Variants in FRMD3 observed in about 807,000 individuals in gnomAD.
The protein encoded by FRMD3 is FERM domain-containing protein 3.
Under a neutral mutation model 70.2 loss-of-function variants are expected in FRMD3, and 33 were observed. The observed-to-expected ratio is 0.47, with a 90% CI of 0.36 to 0.63. The LOEUF (loss-of-function observed/expected upper bound fraction) is 0.63. FRMD3 is among the 20% of genes least tolerant of loss of function. The pLI is 0.00. For missense variants in FRMD3, 632 were observed against 711.4 expected (o/e 0.89, Z 1.27); for synonymous variants, 279 against 255.9 (o/e 1.09, Z -0.86).
chr9:83,314,476 G>T (rs1444822089), intron 6 of FRMD3, among the ~76,000 whole-genome samples: 1 of 151,784 alleles, frequency 6.6e-6, no homozygotes, highest in African/African-American at 2.4e-5. Context: ...ACCAAGCAGA[G>T]AAAACAACAG....
chr9:83,484,721 G>A (rs961610708), intron 1 of FRMD3, among the ~76,000 whole-genome samples: 4 of 152,148 alleles, frequency 2.6e-5, no homozygotes, highest in Non-Finnish European at 4.4e-5. Flanking sequence ...CCCAGCCTGT[G>A]TTGCCAATTT....
intron 1 of FRMD3, among the ~76,000 whole-genome samples, chr9:83,418,605 C>T (rs768858741): frequency 5.3e-5 from 8 of 152,006 alleles, no homozygotes; most frequent in Admixed American, 1.3e-4. Flanking sequence ...GCAAGAATGG[C>T]CATTATTAAA....
At chr9:83,389,370 C>G (rs1825600622) in intron 2 of FRMD3, among the ~76,000 whole-genome samples, 1 of 152,170 alleles carries the variant, frequency 6.6e-6, no homozygotes, top group Admixed American at 6.5e-5. Flanking sequence ...GGGACATTCT[C>G]TCTTCTAAGC....
chr9:83,530,617 G>GTATACAA (rs1312959945), intron 1 of FRMD3, among the ~76,000 whole-genome samples: 63 of 152,232 alleles, frequency 4.1e-4, no homozygotes, highest in African/African-American at 1.4e-3. Flanking sequence ...TACCTTAAGT[G>GTATACAA]GGCGTACTAC....
At chr9:83,282,113 C>G (rs926494555) in intron 13 of FRMD3, among the ~76,000 whole-genome samples, 1 of 152,062 alleles carries the variant, frequency 6.6e-6, no homozygotes, top group African/African-American at 2.4e-5. Context: ...GGATGTAATC[C>G]CAGCTTTCCA....
At chr9:83,443,368 C>T (rs1459561822) in intron 1 of FRMD3, among the ~76,000 whole-genome samples, 3 of 152,190 alleles carry the variant, frequency 2.0e-5, no homozygotes, top group African/African-American at 7.2e-5. Context: ...TCAATTCCCA[C>T]CTATGAGTGA....
intron 1 of FRMD3, among the ~76,000 whole-genome samples, chr9:83,453,845 A>G (rs961541983): frequency 2.7e-5 from 4 of 150,650 alleles, no homozygotes; most frequent in African/African-American, 9.8e-5. Flanking sequence ...CCTCCCAAGT[A>G]GCTGGGACTA....
chr9:83,502,588 T>C (rs1829095104), intron 1 of FRMD3, among the ~76,000 whole-genome samples: 1 of 152,108 alleles, frequency 6.6e-6, no homozygotes, highest in Non-Finnish European at 1.5e-5. Flanking sequence ...AAGTGAGGTG[T>C]TCCAGAAGAG....
intron 1 of FRMD3, among the ~76,000 whole-genome samples, chr9:83,407,826 G>C (rs1826149570): frequency 7.7e-6 from 1 of 129,108 alleles, no homozygotes; most frequent in African/African-American, 3.2e-5. Context: ...GCAGAGGAGG[G>C]GGGTTGTTGA....
intron 1 of FRMD3, among the ~76,000 whole-genome samples, chr9:83,399,779 A>G (rs544739331): frequency 6.6e-6 from 1 of 152,318 alleles, no homozygotes; most frequent in Non-Finnish European, 1.5e-5. Context: ...CAACTTGATA[A>G]AGAACGTCTA....
At chr9:83,423,303 G>T (rs1370541265) in intron 1 of FRMD3, among the ~76,000 whole-genome samples, 1 of 152,198 alleles carries the variant, frequency 6.6e-6, no homozygotes, top group Non-Finnish European at 1.5e-5. Context: ...AAGCAAGAGT[G>T]TCAGGAATGC....
intron 7 of FRMD3, 59 bp downstream of exon 7, chr9:83,313,601 T>A: frequency 7.3e-7 from 1 of 1,369,664 alleles, no homozygotes; most frequent in Non-Finnish European, 1.0e-6. Context: ...TGCGCACAGA[T>A]AAACTCTCTT....
chr9:83,360,706 C>A (rs1174470095), intron 3 of FRMD3, among the ~76,000 whole-genome samples: 1 of 152,232 alleles, frequency 6.6e-6, no homozygotes, highest in Admixed American at 6.5e-5. Flanking sequence ...AACCCCTGCA[C>A]ACACTACTGC....
At chr9:83,264,620 A>G (rs889381075) in intron 13 of FRMD3, among the ~76,000 whole-genome samples, 1 of 152,220 alleles carries the variant, frequency 6.6e-6, no homozygotes, top group Admixed American at 6.5e-5. Context: ...GAACCTAAAA[A>G]TCATTCTAAA....
intron 6 of FRMD3, 50 bp downstream of exon 6, chr9:83,335,466 G>GA: frequency 6.6e-7 from 1 of 1,519,592 alleles, no homozygotes; most frequent in Non-Finnish European, 9.1e-7. Flanking sequence ...CCTGCAGTAA[G>GA]AATATTTTCT....
chr9:83,333,141 T>C (rs919790838), intron 6 of FRMD3, among the ~76,000 whole-genome samples: 1 of 152,160 alleles, frequency 6.6e-6, no homozygotes, highest in Admixed American at 6.5e-5. Flanking sequence ...ACCAAAAGTA[T>C]CTCTCTGCTG....
At chr9:83,500,902 T>C (rs1034944654) in intron 1 of FRMD3, among the ~76,000 whole-genome samples, 1 of 152,168 alleles carries the variant, frequency 6.6e-6, no homozygotes, top group African/African-American at 2.4e-5. Context: ...TTAGGCACAC[T>C]CTTGGGAGAG....
intron 13 of FRMD3, among the ~76,000 whole-genome samples, chr9:83,282,105 A>T (rs1833997913): frequency 1.3e-5 from 2 of 152,208 alleles, no homozygotes; most frequent in African/African-American, 2.4e-5. Context: ...GAGTATAAGG[A>T]TGTAATCCCA....
intron 1 of FRMD3, among the ~76,000 whole-genome samples, chr9:83,512,889 A>C (rs965878319): frequency 6.6e-6 from 1 of 152,204 alleles, no homozygotes; most frequent in Non-Finnish European, 1.5e-5. Flanking sequence ...TCTGCAAGAC[A>C]CGGAAGTGAG....
Sources: allele counts gnomAD v4.1 joint callset (sites outside exome capture counted in the v4.1 genomes callset), GRCh38; gene constraint gnomAD v4.1.1; transcripts MANE v1.5; gene names NCBI Gene and HGNC (gene_info 2026-07-23, HGNC 2026-07-21).